DIP2C: variants seen among roughly 807,000 people sequenced by gnomAD.
DIP2C encodes the protein disco-interacting protein 2 homolog C.
In DIP2C, 33 loss-of-function variants were observed where a neutral mutation model predicts 192.4. The ratio of observed to expected loss-of-function variants is 0.17; its 90% CI spans 0.13 to 0.23. The LOEUF (loss-of-function observed/expected upper bound fraction) is 0.23, where lower values mean the gene tolerates loss of function less well. DIP2C is among the 10% of genes least tolerant of loss of function. The pLI, the probability that DIP2C is intolerant of heterozygous loss-of-function variation, is 1.00. For synonymous variants in DIP2C, 979 were observed against 864.1 expected (o/e 1.13, Z -2.33); for missense variants, 1,537 against 2,110.1 (o/e 0.73, Z 5.32).
At chr10:552,283 A>G (rs946189526) in intron 1 of DIP2C, among the ~76,000 whole-genome samples, 1 of 152,242 alleles carries the variant, frequency 6.6e-6, no homozygotes, top group Non-Finnish European at 1.5e-5. Context: ...AAGATACAGC[A>G]GAGATGTAGC....
chr10:537,877 C>A (rs545805958), intron 1 of DIP2C, among the ~76,000 whole-genome samples: 144 of 151,486 alleles, frequency 9.5e-4, no homozygotes, highest in Middle Eastern at 3.4e-3. Context: ...GCAGCCTCCA[C>A]CTCCCAAGTT....
chr10:279,306 T>C (rs575720483), intron 36 of DIP2C, among the ~76,000 whole-genome samples: 1 of 152,254 alleles, frequency 6.6e-6, no homozygotes, highest in South Asian at 2.1e-4. Context: ...CTCAGGCGCA[T>C]TTGGTATACT....
chr10:681,110 C>T (rs189634141), intron 1 of DIP2C, among the ~76,000 whole-genome samples: 1 of 151,630 alleles, frequency 6.6e-6, no homozygotes, highest in Non-Finnish European at 1.5e-5. Context: ...TCTATGGCCA[C>T]AGAAATTCCG....
intron 1 of DIP2C, among the ~76,000 whole-genome samples, chr10:655,621 A>T (rs1365478960): frequency 6.6e-6 from 1 of 152,178 alleles, no homozygotes; most frequent in Admixed American, 6.5e-5. Context: ...CATGCTATGT[A>T]ATATTAATAC....
intron 32 of DIP2C, among the ~76,000 whole-genome samples, chr10:295,299 C>T (rs758484629): frequency 6.6e-6 from 1 of 152,006 alleles, no homozygotes; most frequent in African/African-American, 2.4e-5. Context: ...CGGTGGCTTA[C>T]GCCTGTAATC....
intron 1 of DIP2C, among the ~76,000 whole-genome samples, chr10:532,851 G>A (rs993119926): frequency 1.3e-5 from 2 of 152,078 alleles, no homozygotes; most frequent in African/African-American, 4.8e-5. Context: ...GTACAGAGGT[G>A]CTATCACGGT....
At chr10:316,038 AC>A (rs1462679625) in intron 31 of DIP2C, among the ~76,000 whole-genome samples, 1 of 151,544 alleles carries the variant, frequency 6.6e-6, no homozygotes, top group African/African-American at 2.4e-5. Context: ...TTTCTGCAAT[AC>A]CCCCCACCTC....
intron 3 of DIP2C, among the ~76,000 whole-genome samples, chr10:449,782 TAAAA>T (rs59436219): frequency 3.9e-5 from 5 of 127,256 alleles, no homozygotes; most frequent in East Asian, 2.2e-4. Context: ...AAAGTATAAT[TAAAA>T]AAAAAAAAAA....
chr10:481,243 A>C (rs1843585388), intron 2 of DIP2C, among the ~76,000 whole-genome samples: 1 of 152,266 alleles, frequency 6.6e-6, no homozygotes, highest in African/African-American at 2.4e-5. Flanking sequence ...ACGTCTTCTA[A>C]AGACGACAGA....
At chr10:615,696 C>T (rs930039815) in intron 1 of DIP2C, among the ~76,000 whole-genome samples, 1 of 152,158 alleles carries the variant, frequency 6.6e-6, no homozygotes, top group South Asian at 2.1e-4. Context: ...GATGACACAT[C>T]CATGCCTCAT....
chr10:321,669 T>C (rs1308346277), intron 31 of DIP2C, among the ~76,000 whole-genome samples: 1 of 47,376 alleles, frequency 2.1e-5, no homozygotes, highest in Admixed American at 2.2e-4. Flanking sequence ...GAACAGTCAG[T>C]CGGGGGTGCG....
At chr10:616,340 A>G (rs1853469916) in intron 1 of DIP2C, among the ~76,000 whole-genome samples, 2 of 152,198 alleles carry the variant, frequency 1.3e-5, no homozygotes, top group Non-Finnish European at 1.5e-5. Flanking sequence ...TGTCCATAGG[A>G]CCCATTTTGT....
chr10:306,154 A>G (rs77502085), intron 32 of DIP2C, among the ~76,000 whole-genome samples: 3,069 of 152,154 alleles, frequency 0.02, 94 homozygotes, highest in African/African-American at 0.07. Context: ...ACACAATTTC[A>G]TCATTTCCTT....
chr10:549,387 T>C (rs1054189998), intron 1 of DIP2C, among the ~76,000 whole-genome samples: 139 of 152,158 alleles, frequency 9.1e-4, no homozygotes, highest in African/African-American at 2.9e-3. Context: ...AAGTACAGCC[T>C]GAGAAGATAC....
chr10:603,297 TCAAAA>T (rs1564255240), intron 1 of DIP2C, among the ~76,000 whole-genome samples: 5 of 32,986 alleles, frequency 1.5e-4, no homozygotes, highest in Non-Finnish European at 2.3e-4. Flanking sequence ...AGACTCCATC[TCAAAA>T]AAAAAAAAAA....
Position 423,163 on chromosome 10 carries a change from T to C in DIP2C, c.395-130A>G, listed in dbSNP as rs150347048. On this transcript the variant is annotated intron_variant, in intron 4 of 36. Coordinates refer to ENST00000280886, the MANE Select transcript of DIP2C (RefSeq NM_014974.3). ...TGTTCAATGACTTTTTGATACACTCTTGAGAAGTTAAACCACGTTTCAGAT... is the reference window on the plus strand; with the variant it reads ...TGTTCAATGACTTTTTGATACACTCCTGAGAAGTTAAACCACGTTTCAGAT... 8.9e-5 allele frequency: 78 copies of C among 874,800 alleles called. No individual in the cohort carries two copies. The East Asian group carries it at 2.0e-3, about 23-fold the overall frequency. 54.2% of individuals were successfully genotyped at this position (874,800 alleles called of 1,614,324 possible). A position where few individuals can be genotyped will look rare whatever the true frequency, so the allele number is the denominator to read the frequency against.
chr10:354,289 C>T (rs1009523667), intron 24 of DIP2C, among the ~76,000 whole-genome samples: 3 of 152,168 alleles, frequency 2.0e-5, no homozygotes, highest in Admixed American at 6.5e-5. Flanking sequence ...GAATCATTTC[C>T]GGGAAATACA....
chr10:390,355 C>A lies in DIP2C; in HGVS notation c.1403G>T (p.Trp468Leu), dbSNP rs1245847201. The A allele has an allele frequency of 6.2e-7, 1 of 1,613,874 alleles. No homozygotes were observed. The highest frequency in any genetic ancestry group is 1.1e-5 in the South Asian group (1 of 91,048). The change falls in exon 12 of 37, where the codon TGG becomes TTG. Residue 468 changes from tryptophan (W) to leucine (L), a missense_variant. By Grantham distance (61) the Trp-to-Leu change is moderately conservative. This residue lies in a region of DIP2C where 677 missense variants were observed against 989.9 expected (regional missense o/e 0.68). Transcript: ENST00000280886. ...GAGATGTTTAGACTCTGTGACAAAC[C>A]ACAGCAGCTTTGGCCAACCTTGGAA... Reference protein sequence around the residue: ...PQFKGWPKLLWFVTESKHLSK... With the variant: ...PQFKGWPKLLLFVTESKHLSK...
chr10:689,216 C>T lies in DIP2C; in HGVS notation c.85+278G>A, dbSNP rs1382634016. Among the ~76,000 whole-genome samples, 1 of 151,302 alleles carries T rather than the reference C, an allele frequency of 6.6e-6. No individual in the cohort carries two copies. The highest frequency in any genetic ancestry group is 1.5e-5 in the Non-Finnish European group (1 of 67,688). On this transcript the variant is annotated intron_variant, in intron 1 of 36. Coordinates refer to ENST00000280886, the MANE Select transcript of DIP2C (RefSeq NM_014974.3). This position sits in a 1 kb window ranked among gnomAD's most constrained non-coding sequence, Gnocchi z 6.1. The stretch of plus-strand genomic sequence containing the variant: ...CGGGGGATCGCGGCCCCACAAACAC[C>T]CCCAGAGCGCGAGGGGATCCCAGGC...
Sources: gnomAD v4.1 joint callset for allele counts (sites outside exome capture counted in the v4.1 genomes callset) on GRCh38, gnomAD v4.1.1 for gene constraint, gnomAD v4.1.1 regional missense constraint, Gnocchi (gnomAD v3.1) non-coding constraint, MANE v1.5 for transcripts, NCBI Gene and HGNC (gene_info 2026-07-23, HGNC 2026-07-21) for gene names.